The following DNAH10 variants were observed in gnomAD, a reference collection of about 807,000 sequenced individuals.
DNAH10 encodes dynein axonemal heavy chain 10, also known as axonemal beta dynein heavy chain 10.
In DNAH10, 348 loss-of-function variants were observed where a neutral mutation model predicts 506.6. That is an observed-to-expected ratio of 0.69 (90% CI 0.63 to 0.75). The LOEUF (loss-of-function observed/expected upper bound fraction) is 0.75. Among genes scored for constraint, DNAH10 ranks in the 30% least tolerant of loss-of-function variants. The pLI is 0.00. For missense variants in DNAH10, 5,179 were observed against 5,787.1 expected, an observed-to-expected ratio of 0.89 and a Z score of 3.41; for synonymous variants, 2,059 against 2,198.6, an observed-to-expected ratio of 0.94 and a Z score of 1.78.
In DNAH10 at chr12:123,766,269, G is replaced by C. The variant is rs1304323917; in HGVS notation, c.215-1337G>C. ...TCTGTCTAGGCATAAGGTCAGGGCT[G>C]TTGAGATCAATTAATCAGCCTACCT... On this transcript the variant is annotated intron_variant, in intron 1 of 78. Coordinates refer to ENST00000673944, the MANE Select transcript of DNAH10 (RefSeq NM_001372106.1). 2.1e-5 allele frequency among the ~76,000 whole-genome samples: 3 copies of C among 145,542 alleles called. No homozygotes were observed. The East Asian group carries it at 6.1e-4, about 29-fold the overall frequency.
intron 5 of DNAH10, 69 bp from the exon 6 acceptor site, chr12:123,781,011 A>G: frequency 8.5e-7 from 1 of 1,181,106 alleles, no homozygotes; most frequent in Non-Finnish European, 1.2e-6. Flanking sequence ...TCAAAACCAG[A>G]GGCAATTTGA....
chr12:123,931,255 C>T, intron 73 of DNAH10, 86 bp from the exon 74 acceptor site: 1 of 1,551,274 alleles, frequency 6.4e-7, no homozygotes, highest in Non-Finnish European at 8.7e-7. Context: ...ATTAGTCTTG[C>T]ATGTCTTGGA....
intron 35 of DNAH10, among the ~76,000 whole-genome samples, chr12:123,852,545 T>C (rs7300162): frequency 0.33 from 49,752 of 151,736 alleles, 8,285 homozygotes; most frequent in Middle Eastern, 0.41. Flanking sequence ...ATAGATGAGG[T>C]GGCTGACTTG....
chr12:123,931,519 G>T, intron 74 of DNAH10, 47 bp downstream of exon 74: 3 of 1,607,386 alleles, frequency 1.9e-6, no homozygotes, highest in Non-Finnish European at 2.6e-6. Context: ...GGGGTTTTAC[G>T]ATTGCTTCTT....
At chr12:123,861,912 G>T (rs1427650441) in intron 39 of DNAH10, among the ~76,000 whole-genome samples, 2 of 152,324 alleles carry the variant, frequency 1.3e-5, no homozygotes, top group African/African-American at 4.8e-5. Context: ...GAATTCCGTT[G>T]TCTTGTTTTT....
intron 9 of DNAH10, 141 bp downstream of exon 9, chr12:123,786,077 C>A: frequency 1.0e-6 from 1 of 997,504 alleles, no homozygotes; most frequent in Non-Finnish European, 1.4e-6. Flanking sequence ...TATGGCTGGG[C>A]ACAGTGGTGC....
chr12:123,887,958 A>G (rs908773236), intron 52 of DNAH10, among the ~76,000 whole-genome samples: 1 of 152,068 alleles, frequency 6.6e-6, no homozygotes, highest in African/African-American at 2.4e-5. Flanking sequence ...GTTAGCCAAG[A>G]TGGTCTCGAT....
rs991768054 is a variant in DNAH10, at chr12:123,808,388, G to T, written c.2988-409G>T. On this transcript the variant is annotated intron_variant, in intron 18 of 78. Transcript: ENST00000673944. Reference sequence around the variant, plus strand: ...GTGAATTACTGGATGGGGTTGGGCCGGCAGGGGGAAGCAGGGAGACTGGGC... The same window carrying T: ...GTGAATTACTGGATGGGGTTGGGCCTGCAGGGGGAAGCAGGGAGACTGGGC... Among the ~76,000 whole-genome samples the T allele has an allele frequency of 2.6e-5, 4 of 152,240 alleles. No individual in the cohort carries two copies. In the East Asian group the frequency reaches 7.8e-4, roughly 30 times the overall value.
rs1954590748 is a variant in DNAH10 at position 123,918,614 on chromosome 12, C to T, written c.11233-62C>T. On this transcript the variant is annotated intron_variant, in intron 64 of 78. Coordinates refer to ENST00000673944, the MANE Select transcript of DNAH10 (RefSeq NM_001372106.1). ...ATACCTCTCTGCTGTCCCCCTGCCC[C>T]TCCTGCCCTCTGCCCACATCTCAGT... 7.3e-6 allele frequency: 11 copies of T among 1,514,896 alleles called. No individual in the cohort carries two copies. In the South Asian group the frequency reaches 1.2e-4, roughly 17 times the overall value. 93.8% of individuals were successfully genotyped at this position (1,514,896 alleles called of 1,614,324 possible). A position where few individuals can be genotyped will look rare whatever the true frequency, so the allele number is the denominator to read the frequency against.
At chr12:123,797,883 G>T (rs938172281) in intron 13 of DNAH10, among the ~76,000 whole-genome samples, 1 of 152,196 alleles carries the variant, frequency 6.6e-6, no homozygotes, top group African/African-American at 2.4e-5. Context: ...TTTCTTTGAA[G>T]ATCCCGATAG....
rs748629404 is a variant in DNAH10, at chr12:123,913,058, G to A, written c.10135-40G>A. ...GGCCATGGGATCGCGGCCCCACCAC[G>A]GTCCTTTTCCCCATCTTTTTGCAAA... On this transcript the variant is annotated intron_variant, in intron 59 of 78. Coordinates refer to ENST00000673944, the MANE Select transcript of DNAH10 (RefSeq NM_001372106.1). This position sits in a 1 kb window ranked among gnomAD's most constrained non-coding sequence, Gnocchi z 5.1. 11 of 1,564,122 alleles carry A rather than the reference G, an allele frequency of 7.0e-6. No homozygotes were observed. Among genetic ancestry groups the A allele is most frequent in the South Asian group, 3.5e-5 (3 of 84,890 alleles).
chr12:123,835,909 G>C (rs1233460030), intron 28 of DNAH10, among the ~76,000 whole-genome samples: 1 of 152,200 alleles, frequency 6.6e-6, no homozygotes, highest in East Asian at 1.9e-4. Context: ...ACAGGAGTGG[G>C]TCACCTTGCC....
chr12:123,897,625 T>C (rs905496879), intron 54 of DNAH10, 145 bp from the exon 55 acceptor site: 59 of 772,720 alleles, frequency 7.6e-5, no homozygotes, highest in Middle Eastern at 3.6e-4. Context: ...CTTGGGAGGC[T>C]GAGGTGGGAG....
chr12:123,781,256 G>A lies in DNAH10; in HGVS notation c.798G>A (p.Gln266=). ...LIRDEFLMNV[Q]KFASNIQRTM... is the part of the protein sequence containing the mutation. ...GGGATGAATTTTTAATGAACGTGCA[G>A]AAATTTGCAAGTAATATTCAAAGAA... Residue 266 remains glutamine, a synonymous_variant, in exon 6 of 79, where the codon CAG becomes CAA. Transcript: ENST00000673944. The A allele has an allele frequency of 3.1e-6, 5 of 1,613,744 alleles. No homozygotes were observed. Among genetic ancestry groups the A allele is most frequent in the African/African-American group, 1.3e-5 (1 of 75,026 alleles).
chr12:123,800,548 G>A (rs75540692), intron 15 of DNAH10, among the ~76,000 whole-genome samples, 160 bp downstream of exon 15: 1,597 of 152,148 alleles, frequency 0.01, 28 homozygotes, highest in African/African-American at 0.037. Flanking sequence ...AGGCCTGGGC[G>A]TTGTGGTGCT....
Position 123,774,249 on chromosome 12 carries a change from G to A in DNAH10, c.606G>A (p.Lys202=), listed in dbSNP as rs1186064827. 6.3e-7 allele frequency: 1 copy of A among 1,598,166 alleles called. No individual in the cohort carries two copies. Among genetic ancestry groups the A allele is most frequent in the Non-Finnish European group, 8.5e-7 (1 of 1,173,762 alleles). ...ACGCTAATGTGCTCCATTTTCTGAA[G>A]AATATTATATGTCAGGTAAACATGG... The part of the protein sequence containing the change: ...IINANVLHFL[K]NIICQVFLPA... The change falls in exon 5 of 79, where the codon AAG becomes AAA. Residue 202 remains lysine, a synonymous_variant. Coordinates refer to ENST00000673944, the MANE Select transcript of DNAH10 (RefSeq NM_001372106.1).
At position 123,770,261 on chromosome 12, in the gene DNAH10, T is replaced by C. The variant is rs561958638; in HGVS notation, c.299-1340T>C. Reference sequence around the variant, plus strand: ...AGATTTGTCTCAAAAAAAAATTTTTTTTTAAAATTTTTTTTGTAGAGATGA... The same window carrying C: ...AGATTTGTCTCAAAAAAAAATTTTTCTTTAAAATTTTTTTTGTAGAGATGA... On this transcript the variant is annotated intron_variant, in intron 2 of 78. Coordinates refer to ENST00000673944, the MANE Select transcript of DNAH10 (RefSeq NM_001372106.1). Among the ~76,000 whole-genome samples the C allele has an allele frequency of 1.5e-4, 23 of 151,862 alleles. 1 individual carries two copies. The East Asian group carries it at 4.3e-3, about 28-fold the overall frequency.
intron 10 of DNAH10, among the ~76,000 whole-genome samples, 177 bp from the exon 11 acceptor site, chr12:123,789,750 C>A (rs1958008030): frequency 6.6e-6 from 1 of 152,210 alleles, no homozygotes; most frequent in Non-Finnish European, 1.5e-5. Flanking sequence ...CAGGTGCAGA[C>A]CTGGATCTTA....
rs1359950535 is a variant in DNAH10, at chr12:123,871,489, A to G, written c.7672A>G (p.Ile2558Val). The G allele has an allele frequency of 3.2e-6, 5 of 1,578,262 alleles. No individual in the cohort carries two copies. In the East Asian group the frequency reaches 9.2e-5, roughly 29 times the overall value. ...HTVDTTRTTW[I>V]LEQMVKIKQP... is the part of the protein sequence containing the mutation. Reference sequence around the variant, plus strand: ...AGTGGATACCACTCGGACTACCTGGATATTGGAACAAATGGTTAAAATTAA... The same window carrying G: ...AGTGGATACCACTCGGACTACCTGGGTATTGGAACAAATGGTTAAAATTAA... The change falls in exon 45 of 79, where the codon ATA becomes GTA. Residue 2558 changes from isoleucine to valine, a missense_variant. Coordinates refer to ENST00000673944, the MANE Select transcript of DNAH10 (RefSeq NM_001372106.1).
Sources: gnomAD v4.1 joint callset for allele counts (sites outside exome capture counted in the v4.1 genomes callset) on GRCh38, gnomAD v4.1.1 for gene constraint, Gnocchi (gnomAD v3.1) non-coding constraint, MANE v1.5 for transcripts, NCBI Gene and HGNC (gene_info 2026-07-23, HGNC 2026-07-21) for gene names.